The following GRAMD1B variants were observed in gnomAD, a reference collection of about 807,000 sequenced individuals.
GRAMD1B encodes protein Aster-B.
A neutral mutation model predicts 99.7 loss-of-function variants in GRAMD1B; 37 were observed. That is an observed-to-expected ratio of 0.37 (90% CI 0.29 to 0.49). The LOEUF (loss-of-function observed/expected upper bound fraction) is 0.49, where lower values mean the gene tolerates loss of function less well. Among genes scored for constraint, GRAMD1B ranks in the 20% least tolerant of loss-of-function variants. The pLI, the probability that GRAMD1B is intolerant of heterozygous loss-of-function variation, is 0.98. For synonymous variants in GRAMD1B, 427 were observed against 387.6 expected (o/e 1.10, Z -1.19); for missense variants, 888 against 1,009.2 (o/e 0.88, Z 1.63).
In GRAMD1B at chr11:123,591,443, C is replaced by T; in HGVS notation, c.685-2639C>T. The T allele has an allele frequency of 2.5e-6, 1 of 399,094 alleles. No individual in the cohort carries two copies. Among genetic ancestry groups the T allele is most frequent in the South Asian group, 1.3e-4 (1 of 7,858 alleles). The allele number at this position is 399,094 out of a possible 1,614,324, so 24.7% of individuals were successfully genotyped here. A position where few individuals can be genotyped will look rare whatever the true frequency, so the allele number is the denominator to read the frequency against. ...GGTCCTCTGGAGCCTTCTGCTGGAG[C>T]AGGAGAGCCAGCTGCTGCAGTGGTA... On this transcript the variant is annotated intron_variant, in intron 4 of 19. Transcript: ENST00000635736. This position sits in a 1 kb window ranked among gnomAD's most constrained non-coding sequence, Gnocchi z 4.7.
intron 2 of GRAMD1B, among the ~76,000 whole-genome samples, chr11:123,539,677 G>A (rs1221872849): frequency 2.0e-5 from 3 of 152,118 alleles, no homozygotes; most frequent in South Asian, 2.1e-4. Context: ...CACCCTGAAC[G>A]GCATGCAGGG....
At chr11:123,502,700 G>A (rs907108070) in intron 2 of GRAMD1B, among the ~76,000 whole-genome samples, 6 of 151,202 alleles carry the variant, frequency 4.0e-5, no homozygotes, top group South Asian at 2.1e-4. Context: ...GCTTGAACCC[G>A]GGAGGCGGAG....
intron 1 of GRAMD1B, among the ~76,000 whole-genome samples, chr11:123,369,725 A>T (rs542039451): frequency 2.6e-5 from 4 of 151,756 alleles, no homozygotes; most frequent in Non-Finnish European, 1.5e-5. Context: ...TACAAAAATT[A>T]GCTGGGTGTG....
At chr11:123,387,448 C>T (rs753983131) in intron 1 of GRAMD1B, among the ~76,000 whole-genome samples, 6 of 152,068 alleles carry the variant, frequency 3.9e-5, no homozygotes, top group Non-Finnish European at 8.8e-5. Flanking sequence ...ACAAAACTCC[C>T]CAAAGTCACT....
At chr11:123,486,561 A>G (rs561694466) in intron 2 of GRAMD1B, among the ~76,000 whole-genome samples, 33 of 145,182 alleles carry the variant, frequency 2.3e-4, no homozygotes, top group Non-Finnish European at 4.4e-4. Flanking sequence ...AAAGAAAAAA[A>G]AAAAAAAACA....
At chr11:123,476,336 G>A (rs1481760603) in intron 1 of GRAMD1B, among the ~76,000 whole-genome samples, 3 of 152,094 alleles carry the variant, frequency 2.0e-5, no homozygotes, top group African/African-American at 7.2e-5. Flanking sequence ...CCTTACTTCA[G>A]GTGATCTACC....
chr11:123,612,555 G>A (rs866594655), intron 14 of GRAMD1B, among the ~76,000 whole-genome samples: 12 of 152,280 alleles, frequency 7.9e-5, no homozygotes, highest in Middle Eastern at 3.4e-3. Flanking sequence ...AATATCCTAC[G>A]GCTCAGTTTT....
intron 2 of GRAMD1B, among the ~76,000 whole-genome samples, chr11:123,548,321 T>TACACACACAC (rs1484787385): frequency 2.8e-5 from 3 of 107,212 alleles, no homozygotes; most frequent in African/African-American, 8.9e-5. Context: ...TATATATATA[T>TACACACACAC]ATATACACAC....
chr11:123,578,594 G>C (rs1475542647), intron 3 of GRAMD1B, among the ~76,000 whole-genome samples: 1 of 152,076 alleles, frequency 6.6e-6, no homozygotes, highest in African/African-American at 2.4e-5. Flanking sequence ...GGCTGGCTTG[G>C]AAGTCATTGA....
At chr11:123,618,633 T>C in intron 17 of GRAMD1B, 60 bp from the exon 18 acceptor site, 1 of 951,910 alleles carries the variant, frequency 1.1e-6, no homozygotes. Flanking sequence ...GGATGGGGGA[T>C]GTCCTAGGCT....
chr11:123,391,527 G>A (rs1365900364), intron 1 of GRAMD1B, among the ~76,000 whole-genome samples: 2 of 152,124 alleles, frequency 1.3e-5, no homozygotes, highest in Non-Finnish European at 2.9e-5. Flanking sequence ...CATGATCTCG[G>A]CTCACTGCAA....
intron 1 of GRAMD1B, among the ~76,000 whole-genome samples, chr11:123,480,227 T>G (rs1384149619): frequency 6.6e-6 from 1 of 152,182 alleles, no homozygotes; most frequent in Non-Finnish European, 1.5e-5. Context: ...CCTTTATTCC[T>G]TCTTCTATTT....
chr11:123,362,905 T>A (rs1946193312), intron 1 of GRAMD1B, among the ~76,000 whole-genome samples: 1 of 151,062 alleles, frequency 6.6e-6, no homozygotes, highest in Non-Finnish European at 1.5e-5. Flanking sequence ...GGAGAACCAG[T>A]CCCTGGGAAG....
chr11:123,567,965 G>A (rs950965345), intron 2 of GRAMD1B, among the ~76,000 whole-genome samples: 1 of 152,184 alleles, frequency 6.6e-6, no homozygotes, highest in Non-Finnish European at 1.5e-5. Context: ...TCAGTGCTCA[G>A]ACTTTCCCTT....
rs1012476999 is a variant in GRAMD1B, at chr11:123,610,442, C to T, written c.1919+104C>T. On this transcript the variant is annotated intron_variant, in intron 14 of 19. Transcript: ENST00000635736. The surrounding 1 kb of genome is among the most constrained non-coding windows in gnomAD (Gnocchi z 4.1). ...GGAGGAGGTGGGGAGTGCTTGGCTG[C>T]TGACTCTCTTTATTCTACTTTCTCT... is the stretch of plus-strand genomic sequence containing the variant. The T allele has an allele frequency of 4.5e-6, 5 of 1,117,632 alleles. No individual in the cohort carries two copies. In the African/African-American group the frequency reaches 6.1e-5, roughly 14 times the overall value. 69.2% of individuals were successfully genotyped at this position (1,117,632 alleles called of 1,614,324 possible).
chr11:123,577,311 G>GCCT, intron 2 of GRAMD1B, 56 bp from the exon 3 acceptor site: 1 of 1,421,178 alleles, frequency 7.0e-7, no homozygotes, highest in Non-Finnish European at 9.7e-7. Context: ...CTGACTGCCT[G>GCCT]CCTTTCCTCC....
intron 1 of GRAMD1B, among the ~76,000 whole-genome samples, chr11:123,396,703 T>A (rs1046950071): frequency 8.5e-5 from 13 of 152,216 alleles, no homozygotes; most frequent in African/African-American, 3.1e-4. Context: ...TCAGGGATTT[T>A]ACTTTGTGGT....
chr11:123,413,622 T>G (rs1324168250), intron 1 of GRAMD1B, among the ~76,000 whole-genome samples: 1 of 152,066 alleles, frequency 6.6e-6, no homozygotes, highest in Non-Finnish European at 1.5e-5. Flanking sequence ...GCAGGATACA[T>G]GAGGTACCTT....
At position 123,608,524 on chromosome 11, in the gene GRAMD1B, T is replaced by C. The variant is rs577881348; in HGVS notation, c.1514-135T>C. The C allele has an allele frequency of 8.7e-4, 1,339 of 1,542,130 alleles. 4 individuals carry two copies. Among genetic ancestry groups the C allele is most frequent in the Non-Finnish European group, 1.1e-3 (1,272 of 1,146,860 alleles). On this transcript the variant is annotated intron_variant, in intron 11 of 19. Transcript: ENST00000635736. ...ACCATGCCCACGAGCTCAGCTGTCC[T>C]GCTCCGTGTCCTCTCCATACCCTTG...
Sources: allele counts gnomAD v4.1 joint callset (sites outside exome capture counted in the v4.1 genomes callset), GRCh38; gene constraint gnomAD v4.1.1; non-coding constraint Gnocchi (gnomAD v3.1); transcripts MANE v1.5; gene names NCBI Gene and HGNC (gene_info 2026-07-23, HGNC 2026-07-21).